The following ATP2A3 variants were observed in gnomAD, a reference collection of about 807,000 sequenced individuals.
The protein encoded by ATP2A3 is ATPase sarcoplasmic/endoplasmic reticulum Ca2+ transporting 3, also known as sarcoplasmic/endoplasmic reticulum calcium ATPase 3.
Under a neutral mutation model 106.8 loss-of-function variants are expected in ATP2A3, and 61 were observed. That is an observed-to-expected ratio of 0.57 (90% CI 0.46 to 0.71). ATP2A3 has a LOEUF of 0.71. ATP2A3 is among the 30% of genes least tolerant of loss of function. ATP2A3 has a pLI of 0.00. For missense variants in ATP2A3, 1,201 were observed against 1,423.5 expected, an observed-to-expected ratio of 0.84 and a Z score of 2.52; for synonymous variants, 611 against 609.3, an observed-to-expected ratio of 1.00 and a Z score of -0.04.
Position 3,936,136 on chromosome 17 carries a change from T to A in ATP2A3, c.2524+131A>T. On this transcript the variant is annotated intron_variant, in intron 16 of 20. Coordinates refer to ENST00000397041, the MANE Select transcript of ATP2A3 (RefSeq NM_005173.4). The surrounding 1 kb of genome is among the most constrained non-coding windows in gnomAD (Gnocchi z 5.4). Reference sequence around the variant, plus strand: ...CCCAGATCCCGCCATGCCTGGTCTTTTCCATTACATGAGCTCATACAGTTT... The same window carrying A: ...CCCAGATCCCGCCATGCCTGGTCTTATCCATTACATGAGCTCATACAGTTT... The A allele has an allele frequency of 4.9e-6, 6 of 1,227,560 alleles. No homozygotes were observed. Among genetic ancestry groups the A allele is most frequent in the Non-Finnish European group, 7.1e-6 (6 of 843,634 alleles). 76.0% of individuals were successfully genotyped at this position (1,227,560 alleles called of 1,614,324 possible). A position where few individuals can be genotyped will look rare whatever the true frequency, so the allele number is the denominator to read the frequency against.
Position 3,953,197 on chromosome 17 carries a change from G to T in ATP2A3, c.219+150C>A. 1.1e-6 allele frequency: 1 copy of T among 886,376 alleles called. No individual in the cohort carries two copies. Among genetic ancestry groups the T allele is most frequent in the Non-Finnish European group, 1.9e-6 (1 of 535,494 alleles). The allele number at this position is 886,376 out of a possible 1,614,324, so 54.9% of individuals were successfully genotyped here. ...GAGGGTTCAGGCAAGGGAAGCTGAA[G>T]TCTGAGCAGGGCAGGGCCAGGGAAG... is the stretch of plus-strand genomic sequence containing the variant. On this transcript the variant is annotated intron_variant, in intron 3 of 20. Transcript: ENST00000397041. This position sits in a 1 kb window ranked among gnomAD's most constrained non-coding sequence, Gnocchi z 5.1.
intron 16 of ATP2A3, among the ~76,000 whole-genome samples, chr17:3,935,535 C>CTTTTTTT (rs10668980): frequency 7.0e-5 from 8 of 114,036 alleles, no homozygotes; most frequent in African/African-American, 2.4e-4. Context: ...CCTGTTGAGA[C>CTTTTTTT]TTTTTTTTTT....
Position 3,929,603 on chromosome 17 carries a change from C to T in ATP2A3, c.2745-158G>A, listed in dbSNP as rs2052932300. On this transcript the variant is annotated intron_variant, in intron 18 of 20. Transcript: ENST00000397041. This position sits in a 1 kb window ranked among gnomAD's most constrained non-coding sequence, Gnocchi z 4.3. ...TCCCGGGCTGGGACCCCTTTCTCTGCCCCTCAGACCTAATCTTGGCCGATT... is the reference window on the plus strand; with the variant it reads ...TCCCGGGCTGGGACCCCTTTCTCTGTCCCTCAGACCTAATCTTGGCCGATT... 6.6e-6 allele frequency among the ~76,000 whole-genome samples: 1 copy of T among 152,168 alleles called. No individual in the cohort carries two copies. The highest frequency in any genetic ancestry group is 2.1e-4 in the South Asian group (1 of 4,836).
In ATP2A3 at chr17:3,936,058, T is replaced by TG. The variant is rs1173652979; in HGVS notation, c.2524+208dup. Among the ~76,000 whole-genome samples the TG allele has an allele frequency of 6.6e-6, 1 of 152,220 alleles. No individual in the cohort carries two copies. The highest frequency in any genetic ancestry group is 1.5e-5 in the Non-Finnish European group (1 of 68,034). On this transcript the variant is annotated intron_variant, in intron 16 of 20. Transcript: ENST00000397041. This position sits in a 1 kb window ranked among gnomAD's most constrained non-coding sequence, Gnocchi z 5.4. Reference sequence around the variant, plus strand: ...AGCCATTCTGCCACCATGAGGGACGTGGGCCTGAGAATGAAGCTGAGGCAG... The same window carrying TG: ...AGCCATTCTGCCACCATGAGGGACGTGGGGCCTGAGAATGAAGCTGAGGCAG...
In ATP2A3 at chr17:3,955,506, TCAAA is replaced by T. The variant is rs1259868169; in HGVS notation, c.119-1800_119-1797del. ...CCAGTGTCCTGCGTCGAGATTAAAA[TCAAA>T]CAGACTTTTTCCTTCTGATCTATTT... On this transcript the variant is annotated intron_variant, in intron 1 of 20. Transcript: ENST00000397041. The surrounding 1 kb of genome is among the most constrained non-coding windows in gnomAD (Gnocchi z 4.2). 6.6e-6 allele frequency among the ~76,000 whole-genome samples: 1 copy of T among 152,210 alleles called. No homozygotes were observed.
rs1555558101 is a variant in ATP2A3, at chr17:3,939,786, T to TTAAAAAAAAAAAA, written c.2100+1184_2100+1185insTTTTTTTTTTTTA. On this transcript the variant is annotated intron_variant, in intron 14 of 20. Coordinates refer to ENST00000397041, the MANE Select transcript of ATP2A3 (RefSeq NM_005173.4). ...CTGGGTGACAGAGCGAGACTCTGTC[T>TTAAAAAAAAAAAA]AAAAAAAAAAAAAAAAAAAAAAAAA... 9.3e-4 allele frequency among the ~76,000 whole-genome samples: 47 copies of TTAAAAAAAAAAAA among 50,522 alleles called. 6 individuals are homozygous for TTAAAAAAAAAAAA. Among genetic ancestry groups the TTAAAAAAAAAAAA allele is most frequent in the East Asian group, 1.3e-3 (2 of 1,500 alleles). 33.1% of individuals were successfully genotyped at this position (50,522 alleles called of 152,430 possible).
rs1038229132 is a variant in ATP2A3 at position 3,924,500 on chromosome 17, A to G, written c.*922T>C. 28 of 307,030 alleles carry G rather than the reference A, an allele frequency of 9.1e-5. No homozygotes were observed. Among genetic ancestry groups the G allele is most frequent in the Middle Eastern group, 1.2e-3 (1 of 832 alleles). 19.0% of individuals were successfully genotyped at this position (307,030 alleles called of 1,614,324 possible). A position where few individuals can be genotyped will look rare whatever the true frequency, so the allele number is the denominator to read the frequency against. ...CTCAGAGGCCCCCAGCTGTGCAGACAGCGCGGCGGCCGCACACTGGGCTGG... is the reference window on the plus strand; with the variant it reads ...CTCAGAGGCCCCCAGCTGTGCAGACGGCGCGGCGGCCGCACACTGGGCTGG... On this transcript the variant is annotated 3_prime_UTR_variant, in exon 21 of 21. Transcript: ENST00000397041. This position sits in a 1 kb window ranked among gnomAD's most constrained non-coding sequence, Gnocchi z 6.4.
intron 15 of ATP2A3, chr17:3,937,156 G>C (rs73971758): frequency 1.2e-4 from 65 of 541,984 alleles, no homozygotes; most frequent in African/African-American, 1.2e-3. Flanking sequence ...GGAAGTTCAT[G>C]GCTGGAGGGC....
rs780067814 is a variant in ATP2A3 at position 3,936,248 on chromosome 17, G to A, written c.2524+19C>T. 6.2e-7 allele frequency: 1 copy of A among 1,613,552 alleles called. No homozygotes were observed. The highest frequency in any genetic ancestry group is 8.5e-7 in the Non-Finnish European group (1 of 1,179,816). On this transcript the variant is annotated intron_variant, in intron 16 of 20. Transcript: ENST00000397041. This position sits in a 1 kb window ranked among gnomAD's most constrained non-coding sequence, Gnocchi z 5.4. The stretch of plus-strand genomic sequence containing the variant: ...TTAGGAAGCTTAGGAATTCCACGGA[G>A]GGCTCAGGCCCCACTCACCTCCGAT...
rs919402721 is a variant in ATP2A3 at position 3,941,006 on chromosome 17, C to G, written c.2065G>C (p.Glu689Gln). 6.2e-7 allele frequency: 1 copy of G among 1,613,968 alleles called. No individual in the cohort carries two copies. The change falls in exon 14 of 21, where the codon GAG becomes CAG. Residue 689 changes from glutamate (E) to glutamine (Q), a missense_variant. By Grantham distance (29) the Glu-to-Gln change is conservative. Around this residue, in one of 2 missense-constraint regions of ATP2A3, gnomAD observed 935 missense variants for 1,176.7 expected, o/e 0.79. Coordinates refer to ENST00000397041, the MANE Select transcript of ATP2A3 (RefSeq NM_005173.4). The stretch of plus-strand genomic sequence containing the variant: ...ATCTCGTTAAAGGACTGCAGGTTCT[C>G]CACGATGCGGGACTTGTGTGCGGGC... ...VEPAHKSRIVENLQSFNEITA... is the reference protein window; with the variant it reads ...VEPAHKSRIVQNLQSFNEITA...
rs1341170020 is a variant in ATP2A3, at chr17:3,936,509, C to G, written c.2322-40G>C. 6.2e-7 allele frequency: 1 copy of G among 1,606,896 alleles called. No homozygotes were observed. The highest frequency in any genetic ancestry group is 1.1e-5 in the South Asian group (1 of 90,894). On this transcript the variant is annotated intron_variant, in intron 15 of 20. Coordinates refer to ENST00000397041, the MANE Select transcript of ATP2A3 (RefSeq NM_005173.4). The surrounding 1 kb of genome is among the most constrained non-coding windows in gnomAD (Gnocchi z 5.4). ...TGAGCTCTAGCCCCGGTAGGCCTAG[C>G]CCCCGGCAGATGCAGGCTCCAGCTC...
chr17:3,935,277 A>C lies in ATP2A3; in HGVS notation c.2525T>G (p.Val842Gly), dbSNP rs201092174. Residue 842 changes from valine (V) to glycine (G), a missense_variant and splice_region_variant, in exon 17 of 21, where the codon GTG (valine) becomes GGG (glycine). By Grantham distance (109) the Val-to-Gly change is moderately radical. Coordinates refer to ENST00000397041, the MANE Select transcript of ATP2A3 (RefSeq NM_005173.4). ...AGCCACTGTGGCCAGGCCTACGTAC[A>C]CTGCGGGGAAGGGAGGAGACCGGCT... ...WLFFRYLAIG[V>G]YVGLATVAAA... 2.7e-5 allele frequency: 43 copies of C among 1,613,452 alleles called. No homozygotes were observed. The African/African-American group carries it at 5.1e-4, about 19-fold the overall frequency.
chr17:3,948,752 T>C (rs1402458652), intron 7 of ATP2A3, among the ~76,000 whole-genome samples: 2 of 152,126 alleles, frequency 1.3e-5, no homozygotes, highest in African/African-American at 4.8e-5. Flanking sequence ...CTGCTGATCC[T>C]GGAGCAACAG....
intron 1 of ATP2A3, among the ~76,000 whole-genome samples, chr17:3,954,600 G>A (rs1340466899): frequency 1.3e-5 from 2 of 151,136 alleles, no homozygotes; most frequent in Non-Finnish European, 2.9e-5. Flanking sequence ...GGGTTCAAGC[G>A]ATTCTCCTGC....
intron 10 of ATP2A3, 134 bp downstream of exon 10, chr17:3,944,570 G>T (rs1284902825): frequency 9.2e-6 from 8 of 864,930 alleles, no homozygotes; most frequent in Admixed American, 2.0e-5. Context: ...GGGGTGTGCA[G>T]GGGTAACCGT....
rs1252620249 is a variant in ATP2A3, at chr17:3,941,542, C to A, written c.1658G>T (p.Gly553Val). 10 of 1,613,744 alleles carry A rather than the reference C, an allele frequency of 6.2e-6. No homozygotes were observed. The highest frequency in any genetic ancestry group is 8.5e-6 in the Non-Finnish European group (10 of 1,180,044). ...GCAGCGCAGCGTGTCTGAGCCTGAGCCCCAATCCCGGATCTTTGCCAGGAT... is the reference window on the plus strand; with the variant it reads ...GCAGCGCAGCGTGTCTGAGCCTGAGACCCAATCCCGGATCTTTGCCAGGAT... Reference protein sequence around the residue: ...EQILAKIRDWGSGSDTLRCLA... With the variant: ...EQILAKIRDWVSGSDTLRCLA... The change falls in exon 13 of 21, where the codon GGC becomes GTC. Residue 553 changes from glycine (G) to valine (V), a missense_variant. This residue lies in a region of ATP2A3 where 935 missense variants were observed against 1,176.7 expected (regional missense o/e 0.79). Coordinates refer to ENST00000397041, the MANE Select transcript of ATP2A3 (RefSeq NM_005173.4).
At position 3,930,861 on chromosome 17, in the gene ATP2A3, T is replaced by C; in HGVS notation, c.2611-427A>G. On this transcript the variant is annotated intron_variant, in intron 17 of 20. Transcript: ENST00000397041. The surrounding 1 kb of genome is among the most constrained non-coding windows in gnomAD (Gnocchi z 5.4). ...CCTGTTCACTGTTATTAAGATTCCA[T>C]TTACAGCTGGGCGTGGTGGCTCATG... is the stretch of plus-strand genomic sequence containing the variant. 3.3e-6 allele frequency: 1 copy of C among 302,964 alleles called. No homozygotes were observed. The highest frequency in any genetic ancestry group is 6.5e-6 in the Non-Finnish European group (1 of 153,760). The allele number at this position is 302,964 out of a possible 1,614,324, so 18.8% of individuals were successfully genotyped here.
At chr17:3,943,243 G>A in intron 11 of ATP2A3, 148 bp downstream of exon 11, 1 of 1,319,266 alleles carries the variant, frequency 7.6e-7, no homozygotes, top group South Asian at 1.3e-5. Flanking sequence ...TTGTACTAAA[G>A]CCTGGGCGAC....
At position 3,953,623 on chromosome 17, in the gene ATP2A3, C is replaced by A; in HGVS notation, c.136+70G>T. On this transcript the variant is annotated intron_variant, in intron 2 of 20. Coordinates refer to ENST00000397041, the MANE Select transcript of ATP2A3 (RefSeq NM_005173.4). The surrounding 1 kb of genome is among the most constrained non-coding windows in gnomAD (Gnocchi z 5.1). ...CCTCACTCAGCGGGGAGAAGGAAGT[C>A]ATGACCAGACAGAGAACGACCCAGG... 2 of 1,550,828 alleles carry A rather than the reference C, an allele frequency of 1.3e-6. No homozygotes were observed. The highest frequency in any genetic ancestry group is 2.4e-5 in the South Asian group (2 of 84,514).
Sources: allele counts gnomAD v4.1 joint callset (sites outside exome capture counted in the v4.1 genomes callset), GRCh38; gene constraint gnomAD v4.1.1; regional missense constraint gnomAD v4.1.1; non-coding constraint Gnocchi (gnomAD v3.1); transcripts MANE v1.5; gene names NCBI Gene and HGNC (gene_info 2026-07-23, HGNC 2026-07-21).